Variants in CAMTA1 observed in about 807,000 individuals in gnomAD.
CAMTA1 encodes calmodulin-binding transcription activator 1.
Under a neutral mutation model 170.9 loss-of-function variants are expected in CAMTA1, and 27 were observed. That is an observed-to-expected ratio of 0.16 (90% CI 0.12 to 0.22). The LOEUF is 0.22. Ranked by LOEUF, CAMTA1 falls within the 10% of genes least tolerant of loss-of-function variation. The pLI, the probability that CAMTA1 is intolerant of heterozygous loss-of-function variation, is 1.00. For synonymous variants in CAMTA1, 833 were observed against 891.5 expected (o/e 0.93, Z 1.17); for missense variants, 1,619 against 2,217.2 (o/e 0.73, Z 5.42).
intron 5 of CAMTA1, among the ~76,000 whole-genome samples, chr1:7,425,673 A>G (rs2149335934): frequency 6.6e-6 from 1 of 151,796 alleles, no homozygotes; most frequent in Non-Finnish European, 1.5e-5. Flanking sequence ...TCTATGACTC[A>G]AAGACGTCAG....
intron 4 of CAMTA1, among the ~76,000 whole-genome samples, chr1:7,183,193 G>A (rs1056313599): frequency 2.0e-5 from 3 of 152,158 alleles, no homozygotes; most frequent in Non-Finnish European, 4.4e-5. Context: ...GTCCGATGGT[G>A]AGAGAGGGAG....
intron 7 of CAMTA1, among the ~76,000 whole-genome samples, chr1:7,659,397 G>A (rs1209620844): frequency 1.3e-5 from 2 of 152,056 alleles, no homozygotes; most frequent in Non-Finnish European, 2.9e-5. Context: ...AGCCAGGCCC[G>A]GTGGCAGGCG....
intron 5 of CAMTA1, among the ~76,000 whole-genome samples, chr1:7,364,024 A>G (rs1400341855): frequency 6.6e-6 from 1 of 152,184 alleles, no homozygotes; most frequent in East Asian, 1.9e-4. Flanking sequence ...GAGGTCAGAA[A>G]AGCCGAGAGT....
At chr1:7,323,671 G>A (rs1678840595) in intron 5 of CAMTA1, among the ~76,000 whole-genome samples, 1 of 151,750 alleles carries the variant, frequency 6.6e-6, no homozygotes, top group South Asian at 2.1e-4. Context: ...CCTATTTTCT[G>A]TTTGTTATTT....
chr1:7,627,787 C>A (rs1006802900), intron 6 of CAMTA1, among the ~76,000 whole-genome samples: 2 of 152,124 alleles, frequency 1.3e-5, no homozygotes, highest in Admixed American at 1.3e-4. Context: ...GGGGCCATAA[C>A]CAGTTCTACC....
At chr1:7,273,628 G>T (rs1174679763) in intron 5 of CAMTA1, among the ~76,000 whole-genome samples, 2 of 152,102 alleles carry the variant, frequency 1.3e-5, no homozygotes, top group Non-Finnish European at 2.9e-5. Flanking sequence ...TTTCTTTTTG[G>T]GGTGATGAAA....
chr1:6,820,924 C>T (rs965226199), intron 2 of CAMTA1, among the ~76,000 whole-genome samples: 1 of 152,164 alleles, frequency 6.6e-6, no homozygotes, highest in Non-Finnish European at 1.5e-5. Flanking sequence ...TGTGCCCTCA[C>T]TTTATCTGTT....
chr1:7,030,041 G>A lies in CAMTA1; in HGVS notation c.235-61263G>A, dbSNP rs559385836. Among the ~76,000 whole-genome samples the A allele has an allele frequency of 7.9e-5, 12 of 152,274 alleles. No individual in the cohort carries two copies. In the South Asian group the frequency reaches 1.2e-3, roughly 16 times the overall value. On this transcript the variant is annotated intron_variant, in intron 3 of 22. Coordinates refer to ENST00000303635, the MANE Select transcript of CAMTA1 (RefSeq NM_015215.4). ...TGAAGAAATTTAGCTTTACACAGAT[G>A]CATAATTAGAAAAGGAAGTAGTATT...
chr1:7,446,531 C>T (rs2092685351), intron 5 of CAMTA1, among the ~76,000 whole-genome samples: 1 of 152,146 alleles, frequency 6.6e-6, no homozygotes, highest in Non-Finnish European at 1.5e-5. Flanking sequence ...ACCAGGAGGG[C>T]CCGGGTGGCC....
intron 9 of CAMTA1, among the ~76,000 whole-genome samples, chr1:7,666,772 C>G (rs970343981): frequency 3.3e-5 from 5 of 152,226 alleles, no homozygotes; most frequent in African/African-American, 9.6e-5. Flanking sequence ...TACAGACACC[C>G]CCAGCTCTCC....
At chr1:6,919,038 G>A (rs766184411) in intron 3 of CAMTA1, among the ~76,000 whole-genome samples, 3 of 152,152 alleles carry the variant, frequency 2.0e-5, no homozygotes, top group Non-Finnish European at 2.9e-5. Flanking sequence ...TTGGGCTGGC[G>A]TCTTTCTGTT....
chr1:7,363,557 G>C (rs1489160578), intron 5 of CAMTA1, among the ~76,000 whole-genome samples: 2 of 152,104 alleles, frequency 1.3e-5, no homozygotes, highest in Admixed American at 1.3e-4. Flanking sequence ...AGGTGGTTTG[G>C]TTCCTGCCAG....
chr1:7,571,289 T>A (rs72867105), intron 6 of CAMTA1, among the ~76,000 whole-genome samples: 6,743 of 152,280 alleles, frequency 0.044, 518 homozygotes, highest in African/African-American at 0.15. Context: ...CAGGCCTTTT[T>A]TCTAAGGCCA....
intron 5 of CAMTA1, among the ~76,000 whole-genome samples, chr1:7,390,719 A>C (rs1267092214): frequency 6.6e-6 from 1 of 152,238 alleles, no homozygotes; most frequent in Non-Finnish European, 1.5e-5. Flanking sequence ...CTGCAAAGAA[A>C]AAGAGCACCT....
At chr1:7,183,989 C>G (rs1474047983) in intron 4 of CAMTA1, among the ~76,000 whole-genome samples, 1 of 152,090 alleles carries the variant, frequency 6.6e-6, no homozygotes, top group Non-Finnish European at 1.5e-5. Context: ...TAAGTGTCCA[C>G]CAACAGATGA....
intron 5 of CAMTA1, among the ~76,000 whole-genome samples, chr1:7,342,038 G>A (rs906153969): frequency 1.3e-5 from 2 of 152,230 alleles, no homozygotes; most frequent in African/African-American, 2.4e-5. Context: ...CATACTGACC[G>A]TAGAAGGTAG....
intron 4 of CAMTA1, among the ~76,000 whole-genome samples, chr1:7,116,127 T>C (rs1237730803): frequency 1.3e-5 from 2 of 152,170 alleles, no homozygotes; most frequent in Non-Finnish European, 2.9e-5. Context: ...TTATTAACTT[T>C]ATGGGTTTTC....
intron 3 of CAMTA1, among the ~76,000 whole-genome samples, chr1:7,025,872 T>G (rs1483499501): frequency 6.6e-6 from 1 of 152,122 alleles, no homozygotes; most frequent in Non-Finnish European, 1.5e-5. Context: ...ATCTCAACAC[T>G]TCGGGAGGCT....
intron 5 of CAMTA1, among the ~76,000 whole-genome samples, chr1:7,348,434 G>A (rs2084387885): frequency 6.6e-6 from 1 of 152,292 alleles, no homozygotes; most frequent in South Asian, 2.1e-4. Context: ...ATGGTCCTGG[G>A]GGTCGTGGGG....
Sources: gnomAD v4.1 joint callset for allele counts (sites outside exome capture counted in the v4.1 genomes callset) on GRCh38, gnomAD v4.1.1 for gene constraint, MANE v1.5 for transcripts, NCBI Gene and HGNC (gene_info 2026-07-23, HGNC 2026-07-21) for gene names.